DACH2: variants seen among roughly 807,000 people sequenced by gnomAD.
DACH2 encodes the protein dachshund family transcription factor 2.
In DACH2, 17 loss-of-function variants were observed where a neutral mutation model predicts 35.8. The observed-to-expected ratio is 0.48, with a 90% CI of 0.33 to 0.71. The LOEUF (loss-of-function observed/expected upper bound fraction) is 0.71, where lower values mean the gene tolerates loss of function less well. Among genes scored for constraint, DACH2 ranks in the 30% least tolerant of loss-of-function variants. The pLI, the probability that DACH2 is intolerant of heterozygous loss-of-function variation, is 0.02. For synonymous variants in DACH2, 195 were observed against 177.3 expected (o/e 1.10, Z -0.79); for missense variants, 469 against 472.7 (o/e 0.99, Z 0.07).
At chrX:86,534,810 C>G (rs973133423) in intron 3 of DACH2, among the ~76,000 whole-genome samples, 5 of 111,195 alleles carry the variant, frequency 4.5e-5, no homozygotes, top group African/African-American at 1.6e-4. Context: ...CTCCTATGTC[C>G]CATTTGCTGT....
intron 1 of DACH2, among the ~76,000 whole-genome samples, chrX:86,234,677 G>A (rs1400725207): frequency 1.9e-5 from 2 of 107,745 alleles, no homozygotes; most frequent in African/African-American, 6.8e-5. Flanking sequence ...GCAGTGGTGC[G>A]ATCTCGGCTC....
At chrX:86,599,132 C>A (rs1157026559) in intron 3 of DACH2, among the ~76,000 whole-genome samples, 1 of 111,146 alleles carries the variant, frequency 9.0e-6, no homozygotes, top group African/African-American at 3.3e-5. Context: ...AGGACATGAA[C>A]TCATCCTTTT....
At chrX:86,548,909 G>A (rs2039010330) in intron 3 of DACH2, among the ~76,000 whole-genome samples, 1 of 112,060 alleles carries the variant, frequency 8.9e-6, no homozygotes. Flanking sequence ...TGAGACCAAT[G>A]TTTTAAAGAA....
At chrX:86,254,667 TTG>T (rs1809576464) in intron 1 of DACH2, among the ~76,000 whole-genome samples, 1 of 102,630 alleles carries the variant, frequency 9.7e-6, no homozygotes, top group South Asian at 4.5e-4. Flanking sequence ...TATTTTTTTT[TTG>T]TGTGTTTCGT....
At chrX:86,683,388 A>C (rs761446767) in intron 4 of DACH2, among the ~76,000 whole-genome samples, 1 of 111,783 alleles carries the variant, frequency 8.9e-6, no homozygotes, top group African/African-American at 3.2e-5. Context: ...AGAACAGGCT[A>C]TATATAGTTG....
intron 7 of DACH2, among the ~76,000 whole-genome samples, chrX:86,751,258 A>T (rs2147271637): frequency 9.0e-6 from 1 of 111,262 alleles, no homozygotes; most frequent in East Asian, 2.8e-4. Context: ...CCAGCAGCAT[A>T]TTAAAAAGCT....
At chrX:86,678,257 C>T (rs184216807) in intron 4 of DACH2, among the ~76,000 whole-genome samples, 2 of 111,906 alleles carry the variant, frequency 1.8e-5, no homozygotes, top group Non-Finnish European at 3.8e-5. Flanking sequence ...TAATCAGTGG[C>T]CTATTTCCAT....
chrX:86,509,704 C>A (rs1163324515), intron 2 of DACH2, among the ~76,000 whole-genome samples: 2 of 111,656 alleles, frequency 1.8e-5, no homozygotes, highest in African/African-American at 6.5e-5. Context: ...ACTGTTCTGG[C>A]AAAATAAAGA....
chrX:86,686,952 G>A (rs766996743), intron 4 of DACH2, among the ~76,000 whole-genome samples: 1 of 112,203 alleles, frequency 8.9e-6, no homozygotes, highest in Non-Finnish European at 1.9e-5. Flanking sequence ...TAGAAACAAA[G>A]ATTTTGGGAC....
chrX:86,250,348 A>G (rs2033374761), intron 1 of DACH2, among the ~76,000 whole-genome samples: 1 of 111,408 alleles, frequency 9.0e-6, no homozygotes. Context: ...GTCATTTTAT[A>G]TGCACTGGCA....
intron 2 of DACH2, among the ~76,000 whole-genome samples, chrX:86,378,973 C>G (rs1195327059): frequency 9.0e-6 from 1 of 110,649 alleles, no homozygotes; most frequent in South Asian, 3.7e-4. Flanking sequence ...TTTTTGCTTT[C>G]CTGTTATCAG....
chrX:86,785,387 A>G (rs2042127411), intron 7 of DACH2, among the ~76,000 whole-genome samples: 1 of 111,891 alleles, frequency 8.9e-6, no homozygotes, highest in East Asian at 2.8e-4. Context: ...AAAGAAGCCC[A>G]AGGATTTAGC....
chrX:86,649,947 C>G (rs2040459022), intron 3 of DACH2, among the ~76,000 whole-genome samples: 1 of 110,529 alleles, frequency 9.0e-6, no homozygotes, highest in South Asian at 3.8e-4. Flanking sequence ...CAAAATCTAC[C>G]AGATTTTTCT....
chrX:86,318,509 G>T (rs954632602), intron 1 of DACH2, among the ~76,000 whole-genome samples: 3 of 111,678 alleles, frequency 2.7e-5, no homozygotes, highest in African/African-American at 6.5e-5. Flanking sequence ...TGACAAATTT[G>T]ATTATTACCA....
intron 1 of DACH2, among the ~76,000 whole-genome samples, chrX:86,324,372 TG>T (rs1798001804): frequency 9.0e-6 from 1 of 111,061 alleles, no homozygotes; most frequent in East Asian, 2.8e-4. Flanking sequence ...CTGGTGAAGA[TG>T]CTGTGAACAT....
rs771861918 is a variant in DACH2 at position 86,376,808 on chromosome X, T to C, written c.489-16T>C. 7.4e-6 allele frequency: 8 copies of C among 1,083,678 alleles called. No individual in the cohort carries two copies. Among genetic ancestry groups the C allele is most frequent in the Admixed American group, 7.3e-5 (3 of 41,294 alleles). 89.3% of individuals were successfully genotyped at this position (1,083,678 alleles called of 1,213,427 possible). A position where few individuals can be genotyped will look rare whatever the true frequency, so the allele number is the denominator to read the frequency against. On this transcript the variant is annotated splice_polypyrimidine_tract_variant and intron_variant, in intron 1 of 11. Transcript: ENST00000373125. ...CCAGTTTTATTTATTTATTTTCTGC[T>C]ACACTCTCCTTTTAGAAGGAAGAGG...
chrX:86,252,915 G>T, intron 1 of DACH2, among the ~76,000 whole-genome samples: 1 of 110,464 alleles, frequency 9.1e-6, no homozygotes, highest in Non-Finnish European at 1.9e-5. Context: ...GTCCTAGTCA[G>T]AGCAATCAGA....
intron 3 of DACH2, among the ~76,000 whole-genome samples, chrX:86,577,739 C>T (rs1218040878): frequency 4.5e-5 from 5 of 111,048 alleles, no homozygotes; most frequent in Non-Finnish European, 5.7e-5. Flanking sequence ...TGTACAAAGG[C>T]TGAAGATTAA....
At chrX:86,629,495 A>C (rs1031176033) in intron 3 of DACH2, among the ~76,000 whole-genome samples, 1 of 111,675 alleles carries the variant, frequency 9.0e-6, no homozygotes, top group African/African-American at 3.3e-5. Context: ...AAATTTTCTT[A>C]AACAAGAAGA....
Sources: allele counts gnomAD v4.1 joint callset (sites outside exome capture counted in the v4.1 genomes callset), GRCh38; gene constraint gnomAD v4.1.1; transcripts MANE v1.5; gene names NCBI Gene and HGNC (gene_info 2026-07-23, HGNC 2026-07-21).